Variants in SLC13A1 observed in about 807,000 individuals in gnomAD.
SLC13A1 encodes the protein solute carrier family 13 member 1.
Under a neutral mutation model 70.0 loss-of-function variants are expected in SLC13A1, and 65 were observed. The ratio of observed to expected loss-of-function variants is 0.93; its 90% CI spans 0.76 to 1.14. The LOEUF (loss-of-function observed/expected upper bound fraction) is 1.14. SLC13A1 is among the 50% of genes most tolerant of loss of function. The pLI is 0.00. For synonymous variants in SLC13A1, 275 were observed against 250.5 expected, an observed-to-expected ratio of 1.10 and a Z score of -0.92; for missense variants, 726 against 717.8, an observed-to-expected ratio of 1.01 and a Z score of -0.13.
chr7:123,117,403 A>G, intron 14 of SLC13A1, 68 bp downstream of exon 14: 2 of 1,488,114 alleles, frequency 1.3e-6, no homozygotes, highest in Non-Finnish European at 1.9e-6. Context: ...AAAAGGGAAG[A>G]TAATTCAAGA....
At chr7:123,115,789 A>G (rs894904787) in intron 14 of SLC13A1, 134 bp from the exon 15 acceptor site, 2 of 901,010 alleles carry the variant, frequency 2.2e-6, no homozygotes, top group Non-Finnish European at 3.3e-6. Flanking sequence ...TTTTTAAATT[A>G]TACTTTAAGT....
intron 1 of SLC13A1, among the ~76,000 whole-genome samples, chr7:123,186,045 T>C (rs911545491): frequency 2.6e-5 from 4 of 152,060 alleles, no homozygotes; most frequent in Non-Finnish European, 4.4e-5. Context: ...GAAAGCATTC[T>C]TTCCCTTCAA....
chr7:123,126,550 A>G (rs996287457), intron 10 of SLC13A1, among the ~76,000 whole-genome samples: 3 of 152,104 alleles, frequency 2.0e-5, no homozygotes, highest in Admixed American at 6.6e-5. Flanking sequence ...TTCTTTTACT[A>G]TCTTGCAACT....
rs1251828107 is a variant in SLC13A1, at chr7:123,169,167, G to T, written c.534C>A (p.Asn178Lys). Residue 178 changes from asparagine (N) to lysine (K), a missense_variant, in exon 4 of 15, where the codon AAC (asparagine) becomes AAA (lysine). By Grantham distance (94) the Asn-to-Lys change is moderately conservative (BLOSUM62 0). Transcript: ENST00000194130. ...TGATACCATCAATTTCTAGTCCGTG[G>T]TTGGTTGATCCGTTGAAGTAAGTCA... ...TQMTYFNGSTNHGLEIDESVN... is the reference protein window; with the variant it reads ...TQMTYFNGSTKHGLEIDESVN... The T allele has an allele frequency of 1.2e-6, 2 of 1,613,870 alleles. No individual in the cohort carries two copies. The highest frequency in any genetic ancestry group is 1.1e-5 in the South Asian group (1 of 91,078).
chr7:123,118,252 T>A (rs1031279190), intron 13 of SLC13A1, among the ~76,000 whole-genome samples: 2 of 152,126 alleles, frequency 1.3e-5, no homozygotes, highest in Non-Finnish European at 2.9e-5. Context: ...CTACTATTTT[T>A]AAATCAACAC....
At chr7:123,127,934 T>C (rs1793616626) in intron 10 of SLC13A1, among the ~76,000 whole-genome samples, 1 of 146,864 alleles carries the variant, frequency 6.8e-6, no homozygotes, top group African/African-American at 2.6e-5. Flanking sequence ...AGTAGTTCAG[T>C]GAAAGATAGA....
At chr7:123,144,258 T>C (rs540170720) in intron 7 of SLC13A1, among the ~76,000 whole-genome samples, 2 of 152,200 alleles carry the variant, frequency 1.3e-5, no homozygotes, top group Admixed American at 6.5e-5. Context: ...AAAAAATTGG[T>C]AGTTATCAGC....
At position 123,128,948 on chromosome 7, in the gene SLC13A1, T is replaced by G. The variant is rs1793658771; in HGVS notation, c.1032-2A>C. 1.3e-6 allele frequency: 2 copies of G among 1,599,690 alleles called. No individual in the cohort carries two copies. The highest frequency in any genetic ancestry group is 1.7e-6 in the Non-Finnish European group (2 of 1,167,688). On this transcript the variant is annotated splice_acceptor_variant, in intron 9 of 14. Transcript: ENST00000194130. LOFTEE classifies it high-confidence loss of function. ...ACCAAGGTCACAATTTCTTGATACC[T>G]GTGGAAAAATTCCAATGGCATCACT...
Position 123,147,257 on chromosome 7 carries a change from T to A in SLC13A1, c.714A>T (p.Lys238Asn). 3.1e-6 allele frequency: 5 copies of A among 1,613,588 alleles called. No homozygotes were observed. Among genetic ancestry groups the A allele is most frequent in the Non-Finnish European group, 4.2e-6 (5 of 1,179,746 alleles). ...AGTAGGCAATGCACAAACACGTAAG[T>A]TTACGTGTCACGTGGCCCTTCTTTG... ...YRTKKGHVTR[K>N]LTCLCIAYSS... The change falls in exon 7 of 15, where the codon AAA becomes AAT. Residue 238 changes from lysine to asparagine, a missense_variant. Physicochemically the swap from Lys to Asn is moderately conservative, Grantham distance 94 (BLOSUM62 0). Coordinates refer to ENST00000194130, the MANE Select transcript of SLC13A1 (RefSeq NM_022444.4).
chr7:123,162,186 A>G (rs1457353773), intron 6 of SLC13A1, among the ~76,000 whole-genome samples: 2 of 152,108 alleles, frequency 1.3e-5, no homozygotes, highest in African/African-American at 4.8e-5. Flanking sequence ...AGCTTATGCT[A>G]TTTGCTAGAT....
chr7:123,198,773 T>C (rs1796262646), intron 1 of SLC13A1, among the ~76,000 whole-genome samples: 2 of 151,996 alleles, frequency 1.3e-5, no homozygotes, highest in Non-Finnish European at 2.9e-5. Flanking sequence ...CGATTAGTAC[T>C]TGTTAGAGGA....
chr7:123,192,597 G>C (rs917985688), intron 1 of SLC13A1, among the ~76,000 whole-genome samples: 1 of 152,104 alleles, frequency 6.6e-6, no homozygotes, highest in Non-Finnish European at 1.5e-5. Context: ...CGTGAGAAAA[G>C]CAGAGCCAAT....
At chr7:123,170,132 C>A (rs541741787) in intron 3 of SLC13A1, among the ~76,000 whole-genome samples, 57 of 152,084 alleles carry the variant, frequency 3.7e-4, no homozygotes, top group African/African-American at 1.3e-3. Flanking sequence ...TTTGAGTAGG[C>A]GGGCCTAGAA....
chr7:123,189,354 A>G (rs1315921758), intron 1 of SLC13A1, among the ~76,000 whole-genome samples: 1 of 152,026 alleles, frequency 6.6e-6, no homozygotes, highest in African/African-American at 2.4e-5. Context: ...GCAGACACAT[A>G]AGCTTCTGGT....
chr7:123,134,014 G>T (rs371525202), intron 8 of SLC13A1, among the ~76,000 whole-genome samples: 8 of 151,850 alleles, frequency 5.3e-5, no homozygotes, highest in South Asian at 2.1e-4. Context: ...GTCCTTTTAG[G>T]GGGGAGGTTT....
chr7:123,199,357 T>C lies in SLC13A1; in HGVS notation c.99+491A>G, dbSNP rs115548126. Among the ~76,000 whole-genome samples, 177 of 152,188 alleles carry C rather than the reference T, an allele frequency of 1.2e-3. 1 individual carries two copies. The highest frequency in any genetic ancestry group is 4.1e-3 in the African/African-American group (169 of 41,564). On this transcript the variant is annotated intron_variant, in intron 1 of 14. Transcript: ENST00000194130. ...ATTACTCTAAGCTTTCAATGTCTTC[T>C]TTTCCTACAAGGGAACTAAATTTCC... is the stretch of plus-strand genomic sequence containing the variant.
chr7:123,176,882 A>T (rs1011267327), intron 2 of SLC13A1, among the ~76,000 whole-genome samples: 1 of 152,088 alleles, frequency 6.6e-6, no homozygotes, highest in South Asian at 2.1e-4. Flanking sequence ...TGCAGAGGTC[A>T]GTTCTTTGTC....
chr7:123,134,826 T>C (rs1278512287), intron 7 of SLC13A1, among the ~76,000 whole-genome samples: 1 of 152,214 alleles, frequency 6.6e-6, no homozygotes, highest in Non-Finnish European at 1.5e-5. Flanking sequence ...TTCTTGGCTT[T>C]AATGAGTATT....
At chr7:123,147,869 A>T (rs1211080001) in intron 6 of SLC13A1, among the ~76,000 whole-genome samples, 3 of 151,882 alleles carry the variant, frequency 2.0e-5, no homozygotes, top group Admixed American at 1.3e-4. Context: ...CTCTTCCCCC[A>T]TGTCTTTCCT....
Sources: gnomAD v4.1 joint callset for allele counts (sites outside exome capture counted in the v4.1 genomes callset) on GRCh38, gnomAD v4.1.1 for gene constraint, MANE v1.5 for transcripts, NCBI Gene and HGNC (gene_info 2026-07-23, HGNC 2026-07-21) for gene names.